The following ZBTB7C variants were observed in gnomAD, a reference collection of about 807,000 sequenced individuals.
The protein encoded by ZBTB7C is zinc finger and BTB domain containing 7C.
ZBTB7C carries 8 observed loss-of-function variants against 25.7 expected under a neutral mutation model. The observed-to-expected ratio is 0.31, with a 90% CI of 0.18 to 0.56. The LOEUF (loss-of-function observed/expected upper bound fraction) is 0.56, where lower values mean the gene tolerates loss of function less well. ZBTB7C is among the 20% of genes least tolerant of loss of function. ZBTB7C has a pLI of 0.91. For missense variants in ZBTB7C, 824 were observed against 855.2 expected, an observed-to-expected ratio of 0.96 and a Z score of 0.46; for synonymous variants, 394 against 369.0, an observed-to-expected ratio of 1.07 and a Z score of -0.78.
At chr18:48,149,160 G>A (rs1218823719) in intron 3 of ZBTB7C, 1 of 150,458 alleles carries the variant, frequency 6.6e-6, no homozygotes, top group African/African-American at 2.4e-5. Flanking sequence ...GCACGCACGT[G>A]TGTGCGAGTG....
At chr18:48,123,285 T>C (rs1008482231) in intron 3 of ZBTB7C, among the ~76,000 whole-genome samples, 1 of 152,226 alleles carries the variant, frequency 6.6e-6, no homozygotes, top group Non-Finnish European at 1.5e-5. Flanking sequence ...ACATCCAGGC[T>C]GCAGAGGGCA....
intron 2 of ZBTB7C, among the ~76,000 whole-genome samples, chr18:48,275,558 G>T (rs988976803): frequency 1.1e-4 from 16 of 152,120 alleles, no homozygotes; most frequent in African/African-American, 3.4e-4. Context: ...AAATCACAGG[G>T]TTCACTTTTG....
In ZBTB7C at chr18:48,029,634, C is replaced by A. The variant is rs895937217; in HGVS notation, c.1486G>T (p.Gly496Cys). Residue 496 changes from glycine (G) to cysteine (C), a missense_variant, in exon 5 of 5, where the codon GGC becomes TGC. By Grantham distance (159) the Gly-to-Cys change is radical. This residue lies in a region of ZBTB7C where 342 missense variants were observed against 307.0 expected (regional missense o/e 1.11). Coordinates refer to ENST00000590800, the MANE Select transcript of ZBTB7C (RefSeq NM_001318841.2). Reference protein sequence around the residue: ...WRAASLLFGPGGPAPDKAAFV... With the variant: ...WRAASLLFGPCGPAPDKAAFV... ...GCCGCCTTGTCGGGGGCCGGGCCGC[C>A]GGGCCCGAAGAGCAGGCTGGCGGCC... 2.0e-6 allele frequency: 3 copies of A among 1,511,958 alleles called. No individual in the cohort carries two copies. The highest frequency in any genetic ancestry group is 1.4e-5 in the African/African-American group (1 of 71,502). The allele number at this position is 1,511,958 out of a possible 1,614,324, so 93.7% of individuals were successfully genotyped here. A position where few individuals can be genotyped will look rare whatever the true frequency, so the allele number is the denominator to read the frequency against.
At chr18:48,330,495 T>C (rs1238586897) in intron 2 of ZBTB7C, among the ~76,000 whole-genome samples, 1 of 152,056 alleles carries the variant, frequency 6.6e-6, no homozygotes, top group African/African-American at 2.4e-5. Flanking sequence ...TCCACTCAAG[T>C]CACCACTGCC....
At chr18:48,143,633 T>C (rs1427005733) in intron 3 of ZBTB7C, among the ~76,000 whole-genome samples, 1 of 152,202 alleles carries the variant, frequency 6.6e-6, no homozygotes, top group Non-Finnish European at 1.5e-5. Flanking sequence ...CAGGTTCCTC[T>C]GAGCCCCCTC....
chr18:48,090,140 G>A (rs1452277978), intron 3 of ZBTB7C, among the ~76,000 whole-genome samples: 2 of 152,262 alleles, frequency 1.3e-5, no homozygotes, highest in African/African-American at 4.8e-5. Context: ...GAGACAGCAT[G>A]TGGTTTTTCC....
At chr18:48,297,098 G>T (rs2045416317) in intron 2 of ZBTB7C, among the ~76,000 whole-genome samples, 1 of 152,172 alleles carries the variant, frequency 6.6e-6, no homozygotes, top group Non-Finnish European at 1.5e-5. Flanking sequence ...TGCCAAAAAG[G>T]TTAGGGGCTG....
intron 1 of ZBTB7C, among the ~76,000 whole-genome samples, chr18:48,341,728 A>G (rs2046606472): frequency 2.0e-5 from 3 of 152,252 alleles, no homozygotes; most frequent in African/African-American, 7.2e-5. Flanking sequence ...TAATTCACCC[A>G]TCATCATGCA....
intron 1 of ZBTB7C, among the ~76,000 whole-genome samples, chr18:48,381,406 G>T (rs573142527): frequency 6.6e-6 from 1 of 152,262 alleles, no homozygotes; most frequent in Admixed American, 6.5e-5. Flanking sequence ...TTAGATAACT[G>T]GTAGAGATCC....
At chr18:48,045,210 G>A (rs557853462) in intron 3 of ZBTB7C, among the ~76,000 whole-genome samples, 21 of 152,348 alleles carry the variant, frequency 1.4e-4, no homozygotes, top group Middle Eastern at 6.8e-3. Context: ...CTCCAGGCAG[G>A]CTTGGCCAGC....
At chr18:48,121,848 GCA>G (rs2039640637) in intron 3 of ZBTB7C, among the ~76,000 whole-genome samples, 1 of 152,208 alleles carries the variant, frequency 6.6e-6, no homozygotes, top group Non-Finnish European at 1.5e-5. Flanking sequence ...GCTGTGCTGG[GCA>G]CAGAGTGGCT....
At chr18:48,171,307 C>A (rs1169478290) in intron 3 of ZBTB7C, among the ~76,000 whole-genome samples, 1 of 152,210 alleles carries the variant, frequency 6.6e-6, no homozygotes, top group African/African-American at 2.4e-5. Flanking sequence ...GGCCATCTCA[C>A]CCCCTCCTGG....
intron 3 of ZBTB7C, among the ~76,000 whole-genome samples, chr18:48,090,162 G>A (rs747098176): frequency 1.3e-5 from 2 of 152,218 alleles, no homozygotes; most frequent in Non-Finnish European, 2.9e-5. Flanking sequence ...GTGAGTCCCC[G>A]GATTTTCTCA....
chr18:48,330,971 A>G (rs2046330705), intron 2 of ZBTB7C, among the ~76,000 whole-genome samples: 1 of 152,206 alleles, frequency 6.6e-6, no homozygotes, highest in Admixed American at 6.5e-5. Context: ...GAGCCCATCT[A>G]AATCTGCCCC....
chr18:48,180,403 G>A lies in ZBTB7C; in HGVS notation c.-17+5531C>T, dbSNP rs758983614. 110 of 455,492 alleles carry A rather than the reference G, an allele frequency of 2.4e-4. 1 individual carries two copies. Among genetic ancestry groups the A allele is most frequent in the Admixed American group, 1.3e-3 (57 of 42,510 alleles). The allele number at this position is 455,492 out of a possible 1,614,324, so 28.2% of individuals were successfully genotyped here. ...GGTGATTACCACGGTAATCAGGCAC[G>A]CTCATTGACAGGCCAGCACTCCTCT... On this transcript the variant is annotated intron_variant, in intron 3 of 4. Coordinates refer to ENST00000590800, the MANE Select transcript of ZBTB7C (RefSeq NM_001318841.2).
chr18:48,089,067 G>T lies in ZBTB7C; in HGVS notation c.-16-47944C>A, dbSNP rs549639515. ...CCCGGTTTACTGATCACACAGGAGA[G>T]AAAATTATTTTGAAAAGACAAAGCC... On this transcript the variant is annotated intron_variant, in intron 3 of 4. Transcript: ENST00000590800. 2.6e-5 allele frequency among the ~76,000 whole-genome samples: 4 copies of T among 152,258 alleles called. No homozygotes were observed. The South Asian group carries it at 8.3e-4, about 32-fold the overall frequency.
intron 1 of ZBTB7C, among the ~76,000 whole-genome samples, chr18:48,403,248 G>A (rs2048202463): frequency 6.6e-6 from 1 of 152,220 alleles, no homozygotes; most frequent in African/African-American, 2.4e-5. Flanking sequence ...CTGGAGGTGA[G>A]TCAGCTGCCA....
At chr18:48,308,674 A>T (rs1383713168) in intron 2 of ZBTB7C, among the ~76,000 whole-genome samples, 1 of 152,246 alleles carries the variant, frequency 6.6e-6, no homozygotes, top group African/African-American at 2.4e-5. Flanking sequence ...CAATGTCTGT[A>T]CTTGTGTCAC....
chr18:48,228,747 T>TCTCA (rs764202971), intron 2 of ZBTB7C, among the ~76,000 whole-genome samples: 48 of 141,176 alleles, frequency 3.4e-4, no homozygotes, highest in African/African-American at 9.6e-4. Flanking sequence ...TCTCTCTCTC[T>TCTCA]CACACACACA....
Sources: gnomAD v4.1 joint callset for allele counts (sites outside exome capture counted in the v4.1 genomes callset) on GRCh38, gnomAD v4.1.1 for gene constraint, gnomAD v4.1.1 regional missense constraint, MANE v1.5 for transcripts, NCBI Gene and HGNC (gene_info 2026-07-23, HGNC 2026-07-21) for gene names.